Variants in BLTP3B observed in about 807,000 individuals in gnomAD.
The protein encoded by BLTP3B is UHRF1 (ICBP90) binding protein 1-like.
At chr12:100,108,111 CA>C in the BLTP3B span, among the ~76,000 whole-genome samples, 20,752 of 151,956 alleles carry the variant, frequency 0.14, 2,574 homozygotes, top group African/African-American at 0.32. Flanking sequence ...GAACATGTAC[CA>C]AATGGATGCA....
the BLTP3B span, among the ~76,000 whole-genome samples, chr12:100,052,791 T>G: frequency 4.3e-5 from 3 of 69,728 alleles, no homozygotes; most frequent in African/African-American, 2.7e-4. Flanking sequence ...TTCTTTTCTG[T>G]TTTTTTTTTT....
the BLTP3B span, among the ~76,000 whole-genome samples, chr12:100,088,700 G>A: frequency 2.0e-5 from 3 of 152,060 alleles, no homozygotes; most frequent in Admixed American, 2.0e-4. Flanking sequence ...AGCATTGATA[G>A]CTAACAAATA....
chr12:100,050,217 G>A, the BLTP3B span: 3 of 1,604,164 alleles, frequency 1.9e-6, no homozygotes, highest in Non-Finnish European at 2.5e-6. Context: ...TGCCTAATTG[G>A]TCTGGTGTCA....
chr12:100,094,153 C>CT, the BLTP3B span, among the ~76,000 whole-genome samples: 2 of 152,150 alleles, frequency 1.3e-5, no homozygotes, highest in Non-Finnish European at 2.9e-5. Flanking sequence ...AGATCTCACT[C>CT]TGTTACGCAG....
At chr12:100,037,442 A>C in the BLTP3B span, 1 of 1,330,930 alleles carries the variant, frequency 7.5e-7, no homozygotes, top group Non-Finnish European at 9.5e-7. Flanking sequence ...AAAACACAAA[A>C]CAACCAAAAG....
chr12:100,080,351 T>C, the BLTP3B span, among the ~76,000 whole-genome samples: 554 of 88,300 alleles, frequency 6.3e-3, 7 homozygotes, highest in African/African-American at 0.043. Flanking sequence ...ACCCATCTCT[T>C]TTTTTTTTTT....
At chr12:100,058,746 T>C in the BLTP3B span, 1 of 1,613,976 alleles carries the variant, frequency 6.2e-7, no homozygotes, top group South Asian at 1.1e-5. Context: ...AGCTTCTACA[T>C]CTTTCCTTAA....
At chr12:100,057,566 T>G in the BLTP3B span, 1 of 1,602,732 alleles carries the variant, frequency 6.2e-7, no homozygotes, top group East Asian at 2.2e-5. Context: ...GTATCATAAC[T>G]TTACCTTTTT....
At chr12:100,097,535 T>C in the BLTP3B span, 1 of 1,573,026 alleles carries the variant, frequency 6.4e-7, no homozygotes, top group East Asian at 2.3e-5. Context: ...TAACTTCACT[T>C]ACTCATGCAA....
the BLTP3B span, among the ~76,000 whole-genome samples, chr12:100,115,661 G>C: frequency 3.0e-3 from 459 of 151,922 alleles, 2 homozygotes; most frequent in Middle Eastern, 0.01. Flanking sequence ...CTACCTGGGA[G>C]ACTGAGGTAG....
chr12:100,142,386 G>GT, the BLTP3B span, among the ~76,000 whole-genome samples: 2 of 152,170 alleles, frequency 1.3e-5, no homozygotes, highest in African/African-American at 4.8e-5. Context: ...GAGAAGACGC[G>GT]TCAGGGGCCG....
the BLTP3B span, among the ~76,000 whole-genome samples, chr12:100,140,704 CAAAAAAAAAAAAA>C: frequency 5.9e-5 from 2 of 33,776 alleles, no homozygotes; most frequent in East Asian, 3.2e-3. Context: ...GACTCTGTCT[CAAAAAAAAAAAAA>C]AAAAAAAAAA....
At chr12:100,048,179 C>T in the BLTP3B span, 122 of 1,592,848 alleles carry the variant, frequency 7.7e-5, no homozygotes, top group Non-Finnish European at 2.6e-6. Flanking sequence ...GAATGAATTA[C>T]AGCTTTCTGA....
At chr12:100,100,402 C>T in the BLTP3B span, among the ~76,000 whole-genome samples, 1 of 152,044 alleles carries the variant, frequency 6.6e-6, no homozygotes, top group East Asian at 1.9e-4. Flanking sequence ...TTTTTTAATA[C>T]TCTTCTTAAA....
chr12:100,076,179 G>A, the BLTP3B span, among the ~76,000 whole-genome samples: 1 of 150,452 alleles, frequency 6.6e-6, no homozygotes, highest in South Asian at 2.1e-4. Flanking sequence ...CCCAAAACCA[G>A]CTAATGTCAT....
At chr12:100,139,602 G>C in the BLTP3B span, among the ~76,000 whole-genome samples, 1 of 152,144 alleles carries the variant, frequency 6.6e-6, no homozygotes, top group East Asian at 1.9e-4. Context: ...TAAAGCCACA[G>C]GGAAACTGGT....
chr12:100,142,474 A>C, the BLTP3B span: 6 of 1,090,702 alleles, frequency 5.5e-6, no homozygotes, highest in Non-Finnish European at 6.6e-6. Flanking sequence ...AGAGCGGGGA[A>C]GTCCGAAGGT....
At chr12:100,116,945 G>A in the BLTP3B span, among the ~76,000 whole-genome samples, 32 of 152,244 alleles carry the variant, frequency 2.1e-4, no homozygotes, top group Middle Eastern at 3.4e-3. Context: ...CAGAGGAGCC[G>A]TAAGAAAGAA....
At chr12:100,106,482 T>C in the BLTP3B span, among the ~76,000 whole-genome samples, 1 of 152,202 alleles carries the variant, frequency 6.6e-6, no homozygotes, top group Non-Finnish European at 1.5e-5. Context: ...TGGAGGCCAT[T>C]ATTCTAAGTG....
Sources: allele counts gnomAD v4.1 joint callset (sites outside exome capture counted in the v4.1 genomes callset), GRCh38; gene constraint gnomAD v4.1.1; transcripts MANE v1.5; gene names NCBI Gene and HGNC (gene_info 2026-07-23, HGNC 2026-07-21).